DLG5: variants seen among roughly 807,000 people sequenced by gnomAD.
The protein encoded by DLG5 is discs large MAGUK scaffold protein 5, also known as disks large homolog 5.
DLG5 carries 48 observed loss-of-function variants against 189.8 expected under a neutral mutation model. That is an observed-to-expected ratio of 0.25 (90% confidence interval 0.20 to 0.32). DLG5 has a LOEUF of 0.32. Ranked by LOEUF, DLG5 falls within the 10% of genes least tolerant of loss-of-function variation. The pLI, the probability that DLG5 is intolerant of heterozygous loss-of-function variation, is 1.00. For missense variants in DLG5, 2,160 were observed against 2,544.7 expected (o/e 0.85, Z 3.25); for synonymous variants, 1,016 against 1,054.1 (o/e 0.96, Z 0.70).
At position 77,812,260 on chromosome 10, in the gene DLG5, G is replaced by A; in HGVS notation, c.4143C>T (p.Ser1381=). Reference sequence around the variant, plus strand: ...ACTCGAGGCCAGCCTGGTGAGCGATGCTCCCCACGGTCACCTTGGAGACGT... The same window carrying A: ...ACTCGAGGCCAGCCTGGTGAGCGATACTCCCCACGGTCACCTTGGAGACGT... ...GIYVSKVTVG[S]IAHQAGLEYG... Residue 1381 remains serine (S), a synonymous_variant, in exon 21 of 32, where the codon AGC becomes AGT. Transcript: ENST00000372391. The A allele has an allele frequency of 6.2e-7, 1 of 1,614,100 alleles. No individual in the cohort carries two copies. Among genetic ancestry groups the A allele is most frequent in the Admixed American group, 1.7e-5 (1 of 60,024 alleles).
At chr10:77,913,559 T>C (rs1846281827) in intron 1 of DLG5, among the ~76,000 whole-genome samples, 1 of 152,194 alleles carries the variant, frequency 6.6e-6, no homozygotes, top group Non-Finnish European at 1.5e-5. Context: ...CATTATCCTC[T>C]CTGTTCTTCC....
intron 1 of DLG5, among the ~76,000 whole-genome samples, chr10:77,895,241 C>T (rs1365678470): frequency 2.0e-5 from 3 of 152,136 alleles, no homozygotes; most frequent in East Asian, 3.9e-4. Flanking sequence ...CCGCCAATGC[C>T]GTTTCACTAC....
chr10:77,902,310 C>G (rs1589268284), intron 1 of DLG5, among the ~76,000 whole-genome samples: 1 of 152,182 alleles, frequency 6.6e-6, no homozygotes, highest in Admixed American at 6.5e-5. Context: ...CCGGGGAACC[C>G]CAAGCGTGAA....
chr10:77,825,625 G>A (rs557674209), intron 13 of DLG5, among the ~76,000 whole-genome samples: 3 of 151,398 alleles, frequency 2.0e-5, no homozygotes, highest in South Asian at 2.1e-4. Context: ...GCATGATCTC[G>A]GCTCGCTGCA....
In DLG5 at chr10:77,869,142, G is replaced by T. The variant is rs767911275; in HGVS notation, c.360C>A (p.Ser120=). 1 of 1,613,804 alleles carries T rather than the reference G, an allele frequency of 6.2e-7. No homozygotes were observed. The highest frequency in any genetic ancestry group is 8.5e-7 in the Non-Finnish European group (1 of 1,179,954). Residue 120 remains serine, a synonymous_variant, in exon 2 of 32, where the codon TCC becomes TCA. Transcript: ENST00000372391. Reference sequence around the variant, plus strand: ...AGTGGTACTCACCCACACTGCTGAGGGAGCTGCTGCTTTCTGAGTCTGAGG... The same window carrying T: ...AGTGGTACTCACCCACACTGCTGAGTGAGCTGCTGCTTTCTGAGTCTGAGG... The part of the protein sequence containing the change: ...TMPSDSESSS[S]LSSVGTTGKA...
intron 24 of DLG5, 67 bp downstream of exon 24, chr10:77,809,480 T>G: frequency 5.3e-6 from 8 of 1,516,410 alleles, no homozygotes; most frequent in Non-Finnish European, 7.1e-6. Context: ...TGGTGCCACC[T>G]GAGATGGCAG....
chr10:77,821,030 C>T, intron 15 of DLG5, 52 bp downstream of exon 15: 1 of 1,544,432 alleles, frequency 6.5e-7, no homozygotes. Context: ...CTCCTTCGGC[C>T]AACTGCCCCT....
chr10:77,831,935 C>T (rs1335872058), intron 9 of DLG5, among the ~76,000 whole-genome samples: 1 of 152,220 alleles, frequency 6.6e-6, no homozygotes, highest in African/African-American at 2.4e-5. Flanking sequence ...TGGCCGGATG[C>T]GGAGGCTCAC....
chr10:77,936,276 A>G, the DLG5 span, among the ~76,000 whole-genome samples: 1 of 152,048 alleles, frequency 6.6e-6, no homozygotes, highest in Non-Finnish European at 1.5e-5. Flanking sequence ...CATCTCTACT[A>G]AAAATACGAA....
upstream of DLG5, chr10:77,927,627 G>C (rs902362718): frequency 6.6e-6 from 1 of 152,272 alleles, no homozygotes; most frequent in Non-Finnish European, 1.5e-5. Flanking sequence ...AGAAAGGTGG[G>C]TGTCTGCGGT....
intron 19 of DLG5, 47 bp downstream of exon 19, chr10:77,816,960 A>G (rs1842086741): frequency 1.9e-6 from 3 of 1,588,538 alleles, no homozygotes; most frequent in Non-Finnish European, 1.7e-6. Context: ...ATGAGGAGTC[A>G]GACCGCAGGA....
chr10:77,876,532 G>A (rs1183558663), intron 1 of DLG5, among the ~76,000 whole-genome samples: 1 of 151,820 alleles, frequency 6.6e-6, no homozygotes, highest in Middle Eastern at 3.2e-3. Context: ...GCACCACCAT[G>A]CCTGGCTATT....
chr10:77,817,394 C>T (rs1842113321), intron 18 of DLG5, among the ~76,000 whole-genome samples: 2 of 152,286 alleles, frequency 1.3e-5, no homozygotes, highest in South Asian at 4.1e-4. Flanking sequence ...GCCAGAGTTC[C>T]CCAAGATCTC....
Position 77,926,223 on chromosome 10 carries a change from CT to C in DLG5, c.297del (p.Gly100AlafsTer43). 1 of 1,498,468 alleles carries C rather than the reference CT, an allele frequency of 6.7e-7. No homozygotes were observed. The highest frequency in any genetic ancestry group is 2.0e-5 in the Admixed American group (1 of 48,880). 92.8% of individuals were successfully genotyped at this position (1,498,468 alleles called of 1,614,324 possible). The part of the protein sequence containing the change: ...NGVVGPPQPA[E>X]GAGSTYSVLS... Reference sequence around the variant, plus strand: ...CCAAGGGTCTGCCACTCACCCGCGCCTTCGGCGGGCTGCGGCGGCCCGACGA... The same window carrying C: ...CCAAGGGTCTGCCACTCACCCGCGCCTCGGCGGGCTGCGGCGGCCCGACGA... On this transcript the variant is annotated frameshift_variant, in exon 1 of 32. Transcript: ENST00000372391. LOFTEE classifies it high-confidence loss of function. This position sits in a 1 kb window ranked among gnomAD's most constrained non-coding sequence, Gnocchi z 5.2.
At position 77,820,031 on chromosome 10, in the gene DLG5, G is replaced by C; in HGVS notation, c.3403-13C>G. 1 of 1,612,532 alleles carries C rather than the reference G, an allele frequency of 6.2e-7. No individual in the cohort carries two copies. Among genetic ancestry groups the C allele is most frequent in the Non-Finnish European group, 8.5e-7 (1 of 1,179,866 alleles). On this transcript the variant is annotated splice_polypyrimidine_tract_variant and intron_variant, in intron 15 of 31. Coordinates refer to ENST00000372391, the MANE Select transcript of DLG5 (RefSeq NM_004747.4). The stretch of plus-strand genomic sequence containing the variant: ...CACACTTCTGTTCCTGCAGATGCAA[G>C]GGCAAGAGTGTCTGCTAGAAAGAGT...
At chr10:77,841,748 A>T in intron 7 of DLG5, 133 bp downstream of exon 7, 1 of 996,956 alleles carries the variant, frequency 1.0e-6, no homozygotes, top group Non-Finnish European at 1.5e-6. Context: ...CCCAGCTTGC[A>T]CTTAGGCCTC....
chr10:77,906,789 T>C (rs573237055), intron 1 of DLG5, among the ~76,000 whole-genome samples: 1 of 152,074 alleles, frequency 6.6e-6, no homozygotes, highest in Admixed American at 6.6e-5. Flanking sequence ...CATGCCCAGC[T>C]AATTTTTATA....
At chr10:77,901,176 T>C (rs1589267237) in intron 1 of DLG5, among the ~76,000 whole-genome samples, 3 of 151,672 alleles carry the variant, frequency 2.0e-5, no homozygotes, top group South Asian at 2.1e-4. Flanking sequence ...CTTGGATGTG[T>C]TTCCCAAGCG....
At chr10:77,794,735 T>C (rs1036276612) in intron 30 of DLG5, 114 bp downstream of exon 30, 5 of 750,542 alleles carry the variant, frequency 6.7e-6, no homozygotes, top group Middle Eastern at 2.5e-4. Flanking sequence ...TCAAGACCCA[T>C]AGGCCCATCT....
Sources: allele counts gnomAD v4.1 joint callset (sites outside exome capture counted in the v4.1 genomes callset), GRCh38; gene constraint gnomAD v4.1.1; non-coding constraint Gnocchi (gnomAD v3.1); transcripts MANE v1.5; gene names NCBI Gene and HGNC (gene_info 2026-07-23, HGNC 2026-07-21).